Variants in ITSN1 observed in about 807,000 individuals in gnomAD.
ITSN1 encodes the protein intersectin 1.
In ITSN1, 58 loss-of-function variants were observed where a neutral mutation model predicts 239.8. That is an observed-to-expected ratio of 0.24 (90% CI 0.20 to 0.30). ITSN1 has a LOEUF of 0.30. Among genes scored for constraint, ITSN1 ranks in the 10% least tolerant of loss-of-function variants. ITSN1 has a pLI of 1.00. For missense variants in ITSN1, 1,558 were observed against 2,103.3 expected, an observed-to-expected ratio of 0.74 and a Z score of 5.07; for synonymous variants, 780 against 770.8, an observed-to-expected ratio of 1.01 and a Z score of -0.20.
Position 33,724,798 on chromosome 21 carries a change from A to G in ITSN1, c.185+2147A>G, listed in dbSNP as rs181226553. Among the ~76,000 whole-genome samples, 163 of 152,256 alleles carry G rather than the reference A, an allele frequency of 1.1e-3. 1 individual carries two copies. Among genetic ancestry groups the G allele is most frequent in the Non-Finnish European group, 1.8e-3 (122 of 68,012 alleles). ...TAAGTGTGGTGGAGAAAAATAAAATACACTCTAATGAATTTCATTTTTTTT... is the reference window on the plus strand; with the variant it reads ...TAAGTGTGGTGGAGAAAAATAAAATGCACTCTAATGAATTTCATTTTTTTT... On this transcript the variant is annotated intron_variant, in intron 4 of 39. Coordinates refer to ENST00000381318, the MANE Select transcript of ITSN1 (RefSeq NM_003024.3).
At chr21:33,685,858 A>G (rs2091211087) in intron 1 of ITSN1, among the ~76,000 whole-genome samples, 2 of 152,196 alleles carry the variant, frequency 1.3e-5, no homozygotes, top group Non-Finnish European at 2.9e-5. Flanking sequence ...CTGCATTTCA[A>G]GTGGTTTTAA....
At chr21:33,861,986 T>C in intron 31 of ITSN1, among the ~76,000 whole-genome samples, 1 of 64,626 alleles carries the variant, frequency 1.5e-5, no homozygotes, top group African/African-American at 5.8e-5. Flanking sequence ...AAACGTCATC[T>C]CTACTAAAAA....
At chr21:33,658,027 A>G (rs1001272489) in intron 1 of ITSN1, among the ~76,000 whole-genome samples, 3 of 152,184 alleles carry the variant, frequency 2.0e-5, no homozygotes, top group African/African-American at 7.2e-5. Context: ...CCAAAACGTA[A>G]CTACTAATGA....
intron 17 of ITSN1, among the ~76,000 whole-genome samples, chr21:33,794,800 G>A (rs2071407494): frequency 6.6e-6 from 1 of 152,138 alleles, no homozygotes; most frequent in Non-Finnish European, 1.5e-5. Context: ...GGGTTGGAGT[G>A]CCTGGTTTAA....
chr21:33,704,620 A>C (rs932267908), intron 1 of ITSN1, among the ~76,000 whole-genome samples: 3 of 152,194 alleles, frequency 2.0e-5, no homozygotes, highest in Non-Finnish European at 4.4e-5. Context: ...ACTTGCAAGC[A>C]CTTAAACTTT....
intron 4 of ITSN1, among the ~76,000 whole-genome samples, chr21:33,724,645 G>C (rs2065707341): frequency 6.6e-6 from 1 of 152,120 alleles, no homozygotes; most frequent in South Asian, 2.1e-4. Flanking sequence ...GATATCTCCT[G>C]TGGGCCAGGG....
chr21:33,810,869 T>C (rs1426132972), intron 20 of ITSN1, 106 bp from the exon 21 acceptor site: 4 of 1,225,948 alleles, frequency 3.3e-6, no homozygotes, highest in Non-Finnish European at 3.6e-6. Context: ...TCCTATGCCA[T>C]ATGTCAATCT....
intron 29 of ITSN1, among the ~76,000 whole-genome samples, chr21:33,853,561 T>C (rs1297501331): frequency 1.3e-5 from 2 of 152,210 alleles, no homozygotes; most frequent in South Asian, 2.1e-4. Flanking sequence ...CCAGGACTTT[T>C]CCCCATAGGT....
intron 1 of ITSN1, among the ~76,000 whole-genome samples, chr21:33,688,269 G>T (rs953982094): frequency 2.0e-5 from 3 of 152,096 alleles, no homozygotes; most frequent in Admixed American, 6.6e-5. Context: ...GTGGGTTCAA[G>T]ATCAAAATCA....
intron 1 of ITSN1, among the ~76,000 whole-genome samples, chr21:33,686,017 C>A (rs1051416966): frequency 2.6e-5 from 4 of 152,172 alleles, no homozygotes; most frequent in African/African-American, 9.7e-5. Context: ...GCATAGAAAA[C>A]TGTGGGGTTC....
At chr21:33,736,861 T>G (rs1162012472) in intron 5 of ITSN1, among the ~76,000 whole-genome samples, 1 of 152,134 alleles carries the variant, frequency 6.6e-6, no homozygotes, top group South Asian at 2.1e-4. Flanking sequence ...GGTGGGTGCC[T>G]ATAGTCCCAG....
At chr21:33,812,841 C>G (rs753554379) in intron 21 of ITSN1, among the ~76,000 whole-genome samples, 5 of 152,162 alleles carry the variant, frequency 3.3e-5, no homozygotes, top group Non-Finnish European at 7.3e-5. Context: ...AGAACTGTCC[C>G]TGGGACCCAG....
In ITSN1 at chr21:33,797,693, C is replaced by CATAA. The variant is rs1294225744; in HGVS notation, c.2182+85_2182+86insATAA. 3.0e-5 allele frequency: 30 copies of CATAA among 986,294 alleles called. No individual in the cohort carries two copies. Among genetic ancestry groups the CATAA allele is most frequent in the Non-Finnish European group, 4.6e-5 (30 of 653,468 alleles). The allele number at this position is 986,294 out of a possible 1,614,324, so 61.1% of individuals were successfully genotyped here. A position where few individuals can be genotyped will look rare whatever the true frequency, so the allele number is the denominator to read the frequency against. On this transcript the variant is annotated intron_variant, in intron 18 of 39. Transcript: ENST00000381318. This position sits in a 1 kb window ranked among gnomAD's most constrained non-coding sequence, Gnocchi z 4.9. ...AAAAATGCCCCTATCTCATCAGTAC[C>CATAA]TGTCTTGGCTACATTAACAGATGAG...
In ITSN1 at chr21:33,858,683, T is replaced by C. The variant is rs2073367; in HGVS notation, c.3784-3T>C. 0.074 allele frequency: 118,670 copies of C among 1,598,904 alleles called. 4,962 individuals are homozygous for C. The highest frequency in any genetic ancestry group is 0.075 in the Non-Finnish European group (87,386 of 1,167,510). On this transcript the variant is annotated splice_polypyrimidine_tract_variant and splice_region_variant and intron_variant, in intron 30 of 39. Transcript: ENST00000381318. The stretch of plus-strand genomic sequence containing the variant: ...TGAACTGCTTCGTTTTCTGCATCTG[T>C]AGATTTTTCAAAAACCCCTGATGGA...
At chr21:33,668,146 C>T (rs2090040892) in intron 1 of ITSN1, among the ~76,000 whole-genome samples, 1 of 152,186 alleles carries the variant, frequency 6.6e-6, no homozygotes, top group Admixed American at 6.5e-5. Context: ...TTCTCCCAAC[C>T]TCTTTACTTG....
chr21:33,817,444 C>T, intron 22 of ITSN1: 1 of 1,304,462 alleles, frequency 7.7e-7, no homozygotes, highest in South Asian at 1.2e-5. Context: ...GAAATTTACG[C>T]TGATGCCCCC....
In ITSN1 at chr21:33,670,632, A is replaced by G. The variant is rs558567404; in HGVS notation, c.-33+27919A>G. Among the ~76,000 whole-genome samples, 6 of 152,060 alleles carry G rather than the reference A, an allele frequency of 3.9e-5. 1 individual carries two copies. The South Asian group carries it at 1.3e-3, about 32-fold the overall frequency. On this transcript the variant is annotated intron_variant, in intron 1 of 39. Coordinates refer to ENST00000381318, the MANE Select transcript of ITSN1 (RefSeq NM_003024.3). ...CATGAATCATTGCAGCCAGGTCTCA[A>G]CCCTGTCAGACAACACTCTCTTTTT...
chr21:33,697,151 C>T (rs554903804), intron 1 of ITSN1, among the ~76,000 whole-genome samples: 2 of 149,676 alleles, frequency 1.3e-5, no homozygotes, highest in African/African-American at 2.5e-5. Flanking sequence ...GGCGTGATCT[C>T]GGCTCACTGC....
At chr21:33,743,989 A>G (rs1323352424) in intron 5 of ITSN1, among the ~76,000 whole-genome samples, 1 of 152,246 alleles carries the variant, frequency 6.6e-6, no homozygotes, top group Non-Finnish European at 1.5e-5. Context: ...CTATTAGAGA[A>G]TGTGCTTCAG....
Sources: allele counts gnomAD v4.1 joint callset (sites outside exome capture counted in the v4.1 genomes callset), GRCh38; gene constraint gnomAD v4.1.1; non-coding constraint Gnocchi (gnomAD v3.1); transcripts MANE v1.5; gene names NCBI Gene and HGNC (gene_info 2026-07-23, HGNC 2026-07-21).